The following SLIT2 variants were observed in gnomAD, a reference collection of about 807,000 sequenced individuals.
SLIT2 encodes slit guidance ligand 2, also known as slit homolog 2 protein.
Under a neutral mutation model 185.7 loss-of-function variants are expected in SLIT2, and 41 were observed. That is an observed-to-expected ratio of 0.22 (90% CI 0.17 to 0.29). The LOEUF (loss-of-function observed/expected upper bound fraction) is 0.29. Among genes scored for constraint, SLIT2 ranks in the 10% least tolerant of loss-of-function variants. The pLI, the probability that SLIT2 is intolerant of heterozygous loss-of-function variation, is 1.00. For synonymous variants in SLIT2, 693 were observed against 680.2 expected (o/e 1.02, Z -0.29); for missense variants, 1,571 against 1,909.0 (o/e 0.82, Z 3.30).
intron 4 of SLIT2, among the ~76,000 whole-genome samples, chr4:20,364,029 A>G (rs570706779): frequency 7.9e-4 from 121 of 152,296 alleles, no homozygotes; most frequent in Non-Finnish European, 1.5e-3. Flanking sequence ...ATGTCAAAAA[A>G]TATCAAATCA....
chr4:20,309,979 T>G (rs1209660102), intron 4 of SLIT2, among the ~76,000 whole-genome samples: 1 of 152,038 alleles, frequency 6.6e-6, no homozygotes, highest in Non-Finnish European at 1.5e-5. Context: ...GCCAGGATGA[T>G]CTGGATCTCC....
chr4:20,572,453 T>C (rs2148921479), intron 29 of SLIT2, among the ~76,000 whole-genome samples: 1 of 152,316 alleles, frequency 6.6e-6, no homozygotes, highest in East Asian at 1.9e-4. Context: ...TTGATTTTGA[T>C]TTTTTGTTTG....
intron 8 of SLIT2, 97 bp from the exon 9 acceptor site, chr4:20,491,664 T>C: frequency 9.9e-7 from 1 of 1,012,172 alleles, no homozygotes; most frequent in South Asian, 1.7e-5. Context: ...AAGAGATTTA[T>C]TTATGTGAAA....
rs558290515 is a variant in SLIT2 at position 20,522,851 on chromosome 4, G to A, written c.1131-909G>A. 2.6e-4 allele frequency among the ~76,000 whole-genome samples: 40 copies of A among 152,256 alleles called. 1 individual carries two copies. The highest frequency in any genetic ancestry group is 3.4e-3 in the Middle Eastern group (1 of 294). Reference sequence around the variant, plus strand: ...TCCCAGTATGTGCTGGGCAGTCTGGGAAAGGAAGGGAAATGAAATAGACAT... The same window carrying A: ...TCCCAGTATGTGCTGGGCAGTCTGGAAAAGGAAGGGAAATGAAATAGACAT... On this transcript the variant is annotated intron_variant, in intron 12 of 36. Coordinates refer to ENST00000504154, the MANE Select transcript of SLIT2 (RefSeq NM_004787.4).
At chr4:20,450,378 T>A (rs1056117501) in intron 4 of SLIT2, among the ~76,000 whole-genome samples, 1 of 152,216 alleles carries the variant, frequency 6.6e-6, no homozygotes, top group Admixed American at 6.5e-5. Flanking sequence ...TGGAATTTTG[T>A]ATTTTGTCAC....
At position 20,488,892 on chromosome 4, in the gene SLIT2, C is replaced by A; in HGVS notation, c.685C>A (p.Arg229=). Residue 229 remains arginine, a synonymous_variant, in exon 8 of 37, where the codon CGG becomes AGG. Transcript: ENST00000504154. ...WLSDWLRQRP[R]VGLYTQCMGP... ...CTCCGACTGGCTTCGCCAAAGGCCT[C>A]GGGTTGGTCTGTACACTCAGTGTAT... 1 of 1,612,872 alleles carries A rather than the reference C, an allele frequency of 6.2e-7. No individual in the cohort carries two copies. The highest frequency in any genetic ancestry group is 8.5e-7 in the Non-Finnish European group (1 of 1,179,030).
chr4:20,395,133 T>C (rs895200248), intron 4 of SLIT2, among the ~76,000 whole-genome samples: 2 of 152,070 alleles, frequency 1.3e-5, no homozygotes, highest in African/African-American at 4.8e-5. Flanking sequence ...ATTGCCATTT[T>C]AATTACATAA....
At chr4:20,608,746 A>G (rs1728980451) in intron 33 of SLIT2, among the ~76,000 whole-genome samples, 1 of 152,190 alleles carries the variant, frequency 6.6e-6, no homozygotes, top group Non-Finnish European at 1.5e-5. Flanking sequence ...ATGCAGAAAT[A>G]TGTTAATGCA....
In SLIT2 at chr4:20,253,851, G is replaced by T. The variant is rs781434127; in HGVS notation, c.36G>T (p.Ser12=). The change falls in exon 1 of 37, where the codon TCG becomes TCT. Residue 12 remains serine, a synonymous_variant. Transcript: ENST00000504154. The stretch of plus-strand genomic sequence containing the variant: ...TTGGCTGGCAGATGCTGTCCCTGTC[G>T]CTGGGGTTAGTGCTGGCGATCCTGA... ...RGVGWQMLSL[S]LGLVLAILNK... The T allele has an allele frequency of 7.5e-6, 12 of 1,600,260 alleles. No individual in the cohort carries two copies. The South Asian group carries it at 1.3e-4, about 18-fold the overall frequency.
intron 4 of SLIT2, among the ~76,000 whole-genome samples, chr4:20,343,053 A>G (rs1426369068): frequency 6.6e-6 from 1 of 152,048 alleles, no homozygotes; most frequent in Non-Finnish European, 1.5e-5. Flanking sequence ...TAGGGTATCC[A>G]TCACCCTGAA....
At chr4:20,362,248 T>A (rs1722797027) in intron 4 of SLIT2, among the ~76,000 whole-genome samples, 2 of 152,134 alleles carry the variant, frequency 1.3e-5, no homozygotes, top group African/African-American at 4.8e-5. Context: ...GCCTAATTTG[T>A]AACTTTTGGT....
intron 4 of SLIT2, among the ~76,000 whole-genome samples, chr4:20,460,244 G>T (rs1261910513): frequency 6.6e-6 from 1 of 151,972 alleles, no homozygotes; most frequent in African/African-American, 2.4e-5. Flanking sequence ...TAATTCTGCA[G>T]AAATAAGATG....
intron 11 of SLIT2, among the ~76,000 whole-genome samples, chr4:20,512,836 G>T (rs1198039038): frequency 6.6e-6 from 1 of 152,080 alleles, no homozygotes; most frequent in East Asian, 1.9e-4. Context: ...TGCAGAGTTT[G>T]ATATTAAGCT....
intron 4 of SLIT2, among the ~76,000 whole-genome samples, chr4:20,396,601 A>T (rs1180002918): frequency 6.6e-6 from 1 of 151,592 alleles, no homozygotes; most frequent in African/African-American, 2.4e-5. Flanking sequence ...TTTTTCTTAT[A>T]CCCCAGGGAG....
At chr4:20,280,264 C>A (rs187807617) in intron 4 of SLIT2, among the ~76,000 whole-genome samples, 1 of 141,960 alleles carries the variant, frequency 7.0e-6, no homozygotes, top group Non-Finnish European at 1.5e-5. Flanking sequence ...ACCTGGGAGG[C>A]GGAGGTTGCA....
At chr4:20,565,941 A>G (rs1483853305) in intron 26 of SLIT2, among the ~76,000 whole-genome samples, 2 of 152,018 alleles carry the variant, frequency 1.3e-5, no homozygotes, top group Non-Finnish European at 2.9e-5. Context: ...AGTATTTCCC[A>G]GGGTAAAGGA....
intron 4 of SLIT2, among the ~76,000 whole-genome samples, chr4:20,269,868 A>T (rs1433596344): frequency 2.6e-5 from 4 of 151,788 alleles, no homozygotes; most frequent in Non-Finnish European, 5.9e-5. Context: ...CACCCCCAAG[A>T]ATAGCCAGGA....
At chr4:20,374,770 CT>C in intron 4 of SLIT2, among the ~76,000 whole-genome samples, 1 of 152,088 alleles carries the variant, frequency 6.6e-6, no homozygotes, top group East Asian at 1.9e-4. Flanking sequence ...CAGTTTGCTG[CT>C]ACATGTTGTT....
intron 29 of SLIT2, among the ~76,000 whole-genome samples, chr4:20,570,731 G>GTATATATATATATATATATATATATATA (rs55841917): frequency 3.2e-5 from 4 of 125,568 alleles, no homozygotes; most frequent in African/African-American, 8.9e-5. Context: ...ATATATATAT[G>GTATATATATATATATATATATATATATA]TATATATATA....
Sources: allele counts gnomAD v4.1 joint callset (sites outside exome capture counted in the v4.1 genomes callset), GRCh38; gene constraint gnomAD v4.1.1; transcripts MANE v1.5; gene names NCBI Gene and HGNC (gene_info 2026-07-23, HGNC 2026-07-21).